Variants in ZNF133 observed in about 807,000 individuals in gnomAD.
ZNF133 encodes the protein zinc finger protein 133, also known as zinc finger protein 133 (clone pHZ-13).
ZNF133 carries 26 observed loss-of-function variants against 54.9 expected under a neutral mutation model. The observed-to-expected ratio is 0.47, with a 90% CI of 0.35 to 0.66. The LOEUF (loss-of-function observed/expected upper bound fraction) is 0.66, where lower values mean the gene tolerates loss of function less well. Among genes scored for constraint, ZNF133 ranks in the 30% least tolerant of loss-of-function variants. The pLI, the probability that ZNF133 is intolerant of heterozygous loss-of-function variation, is 0.01. For synonymous variants in ZNF133, 298 were observed against 320.3 expected (o/e 0.93, Z 0.74); for missense variants, 653 against 820.8 (o/e 0.80, Z 2.50).
At chr20:18,306,686 T>C in intron 6 of ZNF133, 1 of 1,331,728 alleles carries the variant, frequency 7.5e-7, no homozygotes, top group Non-Finnish European at 9.9e-7. Context: ...TTCTTTCTCT[T>C]GTTACTGTTT....
At chr20:18,288,762 T>A (rs1223801898) in intron 1 of ZNF133, among the ~76,000 whole-genome samples, 158 bp downstream of exon 1, 1 of 152,130 alleles carries the variant, frequency 6.6e-6, no homozygotes, top group African/African-American at 2.4e-5. Context: ...GCGCAGGCCG[T>A]CCTCTCCCAG....
chr20:18,315,322 A>C lies in ZNF133; in HGVS notation c.471A>C (p.Arg157Ser), dbSNP rs139552565. The change falls in exon 7 of 7, where the codon AGA becomes AGC. Residue 157 changes from arginine to serine, a missense_variant. Coordinates refer to ENST00000425686, the MANE Select transcript of ZNF133 (RefSeq NM_001352452.2). ...AAGGTGCCATGCCTTTGTTTGGAAGAACCAAGAAAAGGACTCTGGGAGCGT... is the reference window on the plus strand; with the variant it reads ...AAGGTGCCATGCCTTTGTTTGGAAGCACCAAGAAAAGGACTCTGGGAGCGT... ...EGEGAMPLFG[R>S]TKKRTLGAFS... 1.2e-6 allele frequency: 2 copies of C among 1,613,982 alleles called. No homozygotes were observed. The highest frequency in any genetic ancestry group is 2.7e-5 in the African/African-American group (2 of 74,898).
At chr20:18,297,919 C>T (rs2042567069) in intron 1 of ZNF133, 66 bp from the exon 2 acceptor site, 4 of 1,055,796 alleles carry the variant, frequency 3.8e-6, no homozygotes, top group Middle Eastern at 2.0e-4. Flanking sequence ...AAAGAGCAGG[C>T]CCTGCTTCAC....
chr20:18,292,956 G>A (rs1353516686), intron 1 of ZNF133, among the ~76,000 whole-genome samples: 2 of 152,208 alleles, frequency 1.3e-5, no homozygotes, highest in Admixed American at 6.5e-5. Flanking sequence ...TGAGAGAGTT[G>A]GCAGAGGTGG....
intron 3 of ZNF133, among the ~76,000 whole-genome samples, chr20:18,300,380 A>C (rs1220961250): frequency 2.6e-5 from 4 of 152,218 alleles, no homozygotes; most frequent in Non-Finnish European, 5.9e-5. Context: ...TGAAAAAATC[A>C]ACCAAAGACA....
At chr20:18,301,073 T>C (rs1399724962) in intron 3 of ZNF133, among the ~76,000 whole-genome samples, 2 of 152,088 alleles carry the variant, frequency 1.3e-5, no homozygotes, top group South Asian at 2.1e-4. Flanking sequence ...AAGACTGATA[T>C]CATAAGAAGT....
At chr20:18,302,683 TAGCC>T (rs1199402986) in intron 3 of ZNF133, among the ~76,000 whole-genome samples, 3 of 152,180 alleles carry the variant, frequency 2.0e-5, no homozygotes, top group Non-Finnish European at 4.4e-5. Context: ...TTGGAAGTGT[TAGCC>T]AGAGAAAATA....
intron 6 of ZNF133, among the ~76,000 whole-genome samples, chr20:18,308,485 G>A (rs908703836): frequency 6.6e-6 from 1 of 152,028 alleles, no homozygotes; most frequent in Non-Finnish European, 1.5e-5. Context: ...TCACTTTATT[G>A]TTCTATTAGG....
chr20:18,301,898 C>G (rs2043423786), intron 3 of ZNF133, among the ~76,000 whole-genome samples: 1 of 152,120 alleles, frequency 6.6e-6, no homozygotes, highest in Admixed American at 6.5e-5. Context: ...GGAGGGAATA[C>G]TGCCTGACTC....
Position 18,305,585 on chromosome 20 carries a change from T to G in ZNF133, c.-6-96T>G. 1 of 1,572,798 alleles carries G rather than the reference T, an allele frequency of 6.4e-7. No individual in the cohort carries two copies. The highest frequency in any genetic ancestry group is 8.7e-7 in the Non-Finnish European group (1 of 1,155,008). On this transcript the variant is annotated intron_variant, in intron 4 of 6. Coordinates refer to ENST00000425686, the MANE Select transcript of ZNF133 (RefSeq NM_001352452.2). This position sits in a 1 kb window ranked among gnomAD's most constrained non-coding sequence, Gnocchi z 4.7. ...CCAGGGTCACTGGGATCTTGATATC[T>G]CACCTGCCTCCCCCAGGGCAGCCTT... is the stretch of plus-strand genomic sequence containing the variant.
At chr20:18,306,247 T>G in intron 5 of ZNF133, 51 bp from the exon 6 acceptor site, 1 of 1,548,782 alleles carries the variant, frequency 6.5e-7, no homozygotes, top group Non-Finnish European at 8.8e-7. Flanking sequence ...AATTCTTGAA[T>G]GGGCTCTTGA....
At chr20:18,291,697 A>G (rs1600321403) in intron 1 of ZNF133, among the ~76,000 whole-genome samples, 1 of 146,118 alleles carries the variant, frequency 6.8e-6, no homozygotes. Flanking sequence ...CCTTCTTCAC[A>G]TTTCCAGTTG....
chr20:18,295,207 CTTATTTT>C (rs748855827), intron 1 of ZNF133: 1 of 152,218 alleles, frequency 6.6e-6, no homozygotes. Flanking sequence ...TTTCTTATTT[CTTATTTT>C]GAGAGCTTGT....
Position 18,316,844 on chromosome 20 carries a change from G to A in ZNF133, c.*28G>A, listed in dbSNP as rs2047630083. 2 of 1,564,532 alleles carry A rather than the reference G, an allele frequency of 1.3e-6. No individual in the cohort carries two copies. Among genetic ancestry groups the A allele is most frequent in the African/African-American group, 1.4e-5 (1 of 73,574 alleles). ...GCAAAGATGGGGACAAGGACTAAGAGTCAGAATGTTGACACTTTGATGAAA... is the reference window on the plus strand; with the variant it reads ...GCAAAGATGGGGACAAGGACTAAGAATCAGAATGTTGACACTTTGATGAAA... On this transcript the variant is annotated 3_prime_UTR_variant, in exon 7 of 7. Transcript: ENST00000425686.
In ZNF133 at chr20:18,305,780, G is replaced by C; in HGVS notation, c.94G>C (p.Glu32Gln). Residue 32 changes from glutamate (E) to glutamine (Q), a missense_variant, in exon 5 of 7, where the codon GAG becomes CAG. Coordinates refer to ENST00000425686, the MANE Select transcript of ZNF133 (RefSeq NM_001352452.2). The surrounding 1 kb of genome is among the most constrained non-coding windows in gnomAD (Gnocchi z 4.7). ...QRTLYREVML[E>Q]NYSNLVSLGI... ...GACTCTGTACAGAGAGGTGATGCTG[G>C]AGAACTACAGCAACCTGGTCTCACT... The C allele has an allele frequency of 6.2e-7, 1 of 1,613,882 alleles. No individual in the cohort carries two copies. The highest frequency in any genetic ancestry group is 8.5e-7 in the Non-Finnish European group (1 of 1,179,856).
At position 18,298,417 on chromosome 20, in the gene ZNF133, G is replaced by T; in HGVS notation, c.-225G>T. On this transcript the variant is annotated 5_prime_UTR_variant, in exon 3 of 7. Coordinates refer to ENST00000425686, the MANE Select transcript of ZNF133 (RefSeq NM_001352452.2). ...CAGGTGTACCTATTTTGGAACTCTG[G>T]AGTCTAGTTGAAGGCCTCCAGTTCC... is the stretch of plus-strand genomic sequence containing the variant. 1 of 946,374 alleles carries T rather than the reference G, an allele frequency of 1.1e-6. No individual in the cohort carries two copies. Among genetic ancestry groups the T allele is most frequent in the Non-Finnish European group, 1.3e-6 (1 of 769,046 alleles). The allele number at this position is 946,374 out of a possible 1,614,324, so 58.6% of individuals were successfully genotyped here.
At chr20:18,300,255 T>A (rs1464536491) in intron 3 of ZNF133, among the ~76,000 whole-genome samples, 2 of 152,068 alleles carry the variant, frequency 1.3e-5, no homozygotes, top group African/African-American at 4.8e-5. Flanking sequence ...AGCTGATGAG[T>A]TCAAATTCAG....
chr20:18,315,339 T>G lies in ZNF133; in HGVS notation c.488T>G (p.Leu163Arg), dbSNP rs146742663. ...PLFGRTKKRT[L>R]GAFSRPPQRQ... The stretch of plus-strand genomic sequence containing the variant: ...TTTGGAAGAACCAAGAAAAGGACTC[T>G]GGGAGCGTTCTCCAGGCCACCCCAG... The change falls in exon 7 of 7, where the codon CTG (leucine) becomes CGG (arginine). Residue 163 changes from leucine (L) to arginine (R), a missense_variant. Leu to Arg is a moderately radical substitution (Grantham distance 102, BLOSUM62 -2). Coordinates refer to ENST00000425686, the MANE Select transcript of ZNF133 (RefSeq NM_001352452.2). 2 of 1,614,102 alleles carry G rather than the reference T, an allele frequency of 1.2e-6. No homozygotes were observed. The highest frequency in any genetic ancestry group is 1.7e-6 in the Non-Finnish European group (2 of 1,180,008).
intron 1 of ZNF133, among the ~76,000 whole-genome samples, chr20:18,292,798 A>G (rs1182450691): frequency 6.6e-6 from 1 of 152,206 alleles, no homozygotes; most frequent in Non-Finnish European, 1.5e-5. Flanking sequence ...ACACAGTAGG[A>G]GCATAATAAA....
Sources: allele counts gnomAD v4.1 joint callset (sites outside exome capture counted in the v4.1 genomes callset), GRCh38; gene constraint gnomAD v4.1.1; non-coding constraint Gnocchi (gnomAD v3.1); transcripts MANE v1.5; gene names NCBI Gene and HGNC (gene_info 2026-07-23, HGNC 2026-07-21).